Variants in DCAF5 observed in about 807,000 individuals in gnomAD.
DCAF5 encodes DDB1 and CUL4 associated factor 5, also known as DDB1- and CUL4-associated factor 5.
Under a neutral mutation model 80.7 loss-of-function variants are expected in DCAF5, and 9 were observed. That is an observed-to-expected ratio of 0.11 (90% confidence interval 0.07 to 0.19). The LOEUF (loss-of-function observed/expected upper bound fraction) is 0.19, where lower values mean the gene tolerates loss of function less well. Ranked by LOEUF, DCAF5 falls within the 10% of genes least tolerant of loss-of-function variation. The probability of loss-of-function intolerance (pLI) is 1.00; values close to 1 mark genes in which losing one functional copy is unlikely to be tolerated. For synonymous variants in DCAF5, 433 were observed against 461.9 expected, an observed-to-expected ratio of 0.94 and a Z score of 0.80; for missense variants, 842 against 1,205.7, an observed-to-expected ratio of 0.70 and a Z score of 4.47.
intron 5 of DCAF5, among the ~76,000 whole-genome samples, chr14:69,114,462 A>C (rs1465671302): frequency 6.6e-6 from 1 of 152,206 alleles, no homozygotes; most frequent in Non-Finnish European, 1.5e-5. Flanking sequence ...GAGAACAGTG[A>C]GTATTACTAC....
intron 7 of DCAF5, among the ~76,000 whole-genome samples, chr14:69,069,730 C>T (rs2038609885): frequency 6.6e-6 from 1 of 152,192 alleles, no homozygotes; most frequent in East Asian, 1.9e-4. Context: ...CCGCCTCAGC[C>T]TCCCAAAGTG....
At chr14:69,107,857 A>G (rs541500561) in intron 5 of DCAF5, among the ~76,000 whole-genome samples, 1 of 152,362 alleles carries the variant, frequency 6.6e-6, no homozygotes, top group African/African-American at 2.4e-5. Context: ...TATTCATTCA[A>G]TATTTACTAA....
intron 5 of DCAF5, among the ~76,000 whole-genome samples, chr14:69,113,558 C>T (rs1414976387): frequency 6.6e-6 from 1 of 152,172 alleles, no homozygotes; most frequent in Admixed American, 6.5e-5. Flanking sequence ...AAAGTTCTAT[C>T]GTGTTCCAGG....
chr14:69,109,775 G>T (rs2040291273), intron 5 of DCAF5, among the ~76,000 whole-genome samples: 1 of 152,168 alleles, frequency 6.6e-6, no homozygotes, highest in African/African-American at 2.4e-5. Context: ...AAATAAAGCA[G>T]CTGTAAATGT....
chr14:69,084,336 C>T, intron 6 of DCAF5: 1 of 954,022 alleles, frequency 1.0e-6, no homozygotes, highest in Non-Finnish European at 1.7e-6. Flanking sequence ...CAGAATATCC[C>T]AGGGTTTATG....
chr14:69,127,445 A>G (rs547424398), intron 1 of DCAF5, among the ~76,000 whole-genome samples: 1 of 152,362 alleles, frequency 6.6e-6, no homozygotes, highest in South Asian at 2.1e-4. Flanking sequence ...AGACAAAATC[A>G]TGGAGACAAC....
chr14:69,129,054 C>A (rs1198948260), intron 1 of DCAF5, among the ~76,000 whole-genome samples: 1 of 152,186 alleles, frequency 6.6e-6, no homozygotes, highest in African/African-American at 2.4e-5. Flanking sequence ...CAGAAATAAT[C>A]TTTAATGTTC....
Position 69,152,379 on chromosome 14 carries a change from C to T in DCAF5, c.214+386G>A, listed in dbSNP as rs2041734575. On this transcript the variant is annotated intron_variant, in intron 1 of 8. Transcript: ENST00000341516. The surrounding 1 kb of genome is among the most constrained non-coding windows in gnomAD (Gnocchi z 4.1). ...CCTTGCCTCCGGCGCTCCTCGGCCT[C>T]CTCACCCTCCACATCCCCAAAATGC... is the stretch of plus-strand genomic sequence containing the variant. 1 of 161,146 alleles carries T rather than the reference C, an allele frequency of 6.2e-6. No individual in the cohort carries two copies. The highest frequency in any genetic ancestry group is 2.4e-5 in the African/African-American group (1 of 41,874). The allele number at this position is 161,146 out of a possible 1,614,324, so 10.0% of individuals were successfully genotyped here.
chr14:69,083,016 C>T (rs111424756), intron 6 of DCAF5, among the ~76,000 whole-genome samples: 201 of 152,286 alleles, frequency 1.3e-3, no homozygotes, highest in African/African-American at 4.5e-3. Context: ...ATCCAGGTCA[C>T]CTTGTGTTCC....
intron 7 of DCAF5, among the ~76,000 whole-genome samples, chr14:69,065,943 C>G (rs2139862068): frequency 6.6e-6 from 1 of 152,238 alleles, no homozygotes; most frequent in East Asian, 1.9e-4. Context: ...AGGTAAGGAT[C>G]AACTTCACCC....
rs116974708 is a variant in DCAF5, at chr14:69,079,786, T to C, written c.880-4375A>G. Among the ~76,000 whole-genome samples the C allele has an allele frequency of 8.5e-5, 13 of 152,050 alleles. 1 individual carries two copies. The East Asian group carries it at 2.5e-3, about 29-fold the overall frequency. On this transcript the variant is annotated intron_variant, in intron 6 of 8. Coordinates refer to ENST00000341516, the MANE Select transcript of DCAF5 (RefSeq NM_003861.3). ...CATTCCATTAATGGGAAGAGGAAAA[T>C]ATTACAGACATATATAATGTGGGTA... is the stretch of plus-strand genomic sequence containing the variant.
At chr14:69,144,817 G>A (rs143020145) in intron 1 of DCAF5, among the ~76,000 whole-genome samples, 73 of 152,254 alleles carry the variant, frequency 4.8e-4, no homozygotes, top group African/African-American at 1.8e-3. Flanking sequence ...GAGAGAAACA[G>A]CACCTGCCTG....
intron 7 of DCAF5, among the ~76,000 whole-genome samples, chr14:69,065,289 G>C (rs1230851183): frequency 6.6e-6 from 1 of 152,010 alleles, no homozygotes; most frequent in Admixed American, 6.6e-5. Flanking sequence ...TAGAGACGGG[G>C]TTTCACCATC....
At chr14:69,117,447 T>C (rs962852219) in intron 4 of DCAF5, among the ~76,000 whole-genome samples, 3 of 152,082 alleles carry the variant, frequency 2.0e-5, no homozygotes, top group African/African-American at 7.2e-5. Context: ...GGATAGTAAA[T>C]TTAGGTACAC....
intron 8 of DCAF5, among the ~76,000 whole-genome samples, chr14:69,058,638 G>A (rs1239810317): frequency 2.0e-5 from 3 of 152,012 alleles, no homozygotes; most frequent in East Asian, 1.9e-4. Flanking sequence ...ACTTTGGGAC[G>A]TCAAGGCAGG....
At position 69,152,653 on chromosome 14, in the gene DCAF5, G is replaced by C. The variant is rs2041744040; in HGVS notation, c.214+112C>G. ...AACCTTCCCACCGCAGAAGGGGGTA[G>C]AGAAAGGGAGGGGGTGGGGACAGAG... On this transcript the variant is annotated intron_variant, in intron 1 of 8. Transcript: ENST00000341516. This position sits in a 1 kb window ranked among gnomAD's most constrained non-coding sequence, Gnocchi z 4.1. 2 of 753,644 alleles carry C rather than the reference G, an allele frequency of 2.7e-6. No homozygotes were observed. The highest frequency in any genetic ancestry group is 1.8e-5 in the African/African-American group (1 of 56,650). 46.7% of individuals were successfully genotyped at this position (753,644 alleles called of 1,614,324 possible).
At chr14:69,129,582 A>C (rs770400188) in intron 1 of DCAF5, among the ~76,000 whole-genome samples, 1 of 152,244 alleles carries the variant, frequency 6.6e-6, no homozygotes, top group Non-Finnish European at 1.5e-5. Flanking sequence ...CAGTTCAGAA[A>C]GGCAGAGATT....
intron 5 of DCAF5, among the ~76,000 whole-genome samples, chr14:69,103,168 T>C (rs912358648): frequency 6.6e-6 from 1 of 152,224 alleles, no homozygotes; most frequent in Non-Finnish European, 1.5e-5. Flanking sequence ...AGTCCAGTTG[T>C]AGAATGATTA....
chr14:69,098,335 C>T (rs1270690864), intron 5 of DCAF5, among the ~76,000 whole-genome samples: 2 of 152,186 alleles, frequency 1.3e-5, no homozygotes, highest in African/African-American at 2.4e-5. Context: ...TTCCTGACAC[C>T]TTATGCAGAA....
Sources: gnomAD v4.1 joint callset for allele counts (sites outside exome capture counted in the v4.1 genomes callset) on GRCh38, gnomAD v4.1.1 for gene constraint, Gnocchi (gnomAD v3.1) non-coding constraint, MANE v1.5 for transcripts, NCBI Gene and HGNC (gene_info 2026-07-23, HGNC 2026-07-21) for gene names.